Variants in LDB2 observed in about 807,000 individuals in gnomAD.
LDB2 encodes the protein LIM domain binding 2.
In LDB2, 12 loss-of-function variants were observed where a neutral mutation model predicts 44.3. The ratio of observed to expected loss-of-function variants is 0.27; its 90% confidence interval spans 0.17 to 0.44. LDB2 has a LOEUF of 0.44. Among genes scored for constraint, LDB2 ranks in the 20% least tolerant of loss-of-function variants. LDB2 has a pLI of 1.00. For missense variants in LDB2, 344 were observed against 473.5 expected, an observed-to-expected ratio of 0.73 and a Z score of 2.54; for synonymous variants, 164 against 174.8, an observed-to-expected ratio of 0.94 and a Z score of 0.49.
chr4:16,571,237 C>T (rs1031447336), intron 5 of LDB2, among the ~76,000 whole-genome samples: 3 of 152,148 alleles, frequency 2.0e-5, no homozygotes, highest in African/African-American at 7.2e-5. Flanking sequence ...AGTGACACAG[C>T]TTGATCTACA....
intron 5 of LDB2, among the ~76,000 whole-genome samples, chr4:16,580,154 A>G (rs540974926): frequency 6.6e-6 from 1 of 152,268 alleles, no homozygotes; most frequent in South Asian, 2.1e-4. Context: ...GAGCATGACC[A>G]ATTTGGATTA....
intron 2 of LDB2, among the ~76,000 whole-genome samples, chr4:16,735,463 G>T (rs534422525): frequency 3.9e-5 from 6 of 152,172 alleles, no homozygotes; most frequent in Non-Finnish European, 7.4e-5. Context: ...GCCCACTGTG[G>T]GAGATGGGGC....
At chr4:16,562,637 C>A (rs1276568745) in intron 5 of LDB2, among the ~76,000 whole-genome samples, 2 of 152,202 alleles carry the variant, frequency 1.3e-5, no homozygotes, top group African/African-American at 2.4e-5. Context: ...ACTAGTTCAA[C>A]CATTGTGGAA....
intron 2 of LDB2, among the ~76,000 whole-genome samples, chr4:16,735,580 A>C (rs371343020): frequency 1.3e-3 from 196 of 151,662 alleles, no homozygotes; most frequent in African/African-American, 4.4e-3. Flanking sequence ...AGAAAAAAAA[A>C]CAGCAATTTC....
At chr4:16,647,176 A>C (rs759129149) in intron 2 of LDB2, among the ~76,000 whole-genome samples, 4 of 152,222 alleles carry the variant, frequency 2.6e-5, no homozygotes, top group Non-Finnish European at 5.9e-5. Flanking sequence ...AAACCTGAAG[A>C]GATTAAGTTC....
chr4:16,508,411 TCC>T, intron 7 of LDB2, 122 bp downstream of exon 7: 1 of 787,950 alleles, frequency 1.3e-6, no homozygotes, highest in Non-Finnish European at 1.8e-6. Context: ...CTTTTATCCC[TCC>T]CCCACCTCCA....
rs185146291 is a variant in LDB2, at chr4:16,783,637, G to A, written c.133-24377C>T. On this transcript the variant is annotated intron_variant, in intron 1 of 7. Coordinates refer to ENST00000304523, the MANE Select transcript of LDB2 (RefSeq NM_001290.5). ...CAGCTGTACTGTGTCCTGCAGTTTG[G>A]TGGCAGGGATATGAGAAGTAGACTC... Among the ~76,000 whole-genome samples, 332 of 152,362 alleles carry A rather than the reference G, an allele frequency of 2.2e-3. 1 individual carries two copies. Among genetic ancestry groups the A allele is most frequent in the Non-Finnish European group, 3.4e-3 (232 of 68,038 alleles).
chr4:16,595,957 C>T, intron 2 of LDB2, 82 bp from the exon 3 acceptor site: 1 of 1,364,074 alleles, frequency 7.3e-7, no homozygotes, highest in Non-Finnish European at 1.0e-6. Flanking sequence ...GCCAAACCTC[C>T]TAAAACCGGA....
At chr4:16,665,828 C>T (rs753842896) in intron 2 of LDB2, among the ~76,000 whole-genome samples, 1 of 152,040 alleles carries the variant, frequency 6.6e-6, no homozygotes, top group Non-Finnish European at 1.5e-5. Context: ...GGGGCAGGCC[C>T]TAAATCTAAT....
In LDB2 at chr4:16,721,740, C is replaced by G. The variant is rs374725174; in HGVS notation, c.235+37418G>C. 7.2e-5 allele frequency among the ~76,000 whole-genome samples: 11 copies of G among 152,226 alleles called. No individual in the cohort carries two copies. In the East Asian group the frequency reaches 1.9e-3, roughly 27 times the overall value. On this transcript the variant is annotated intron_variant, in intron 2 of 7. Coordinates refer to ENST00000304523, the MANE Select transcript of LDB2 (RefSeq NM_001290.5). ...CACAGAGGAAGTCTCCTTGTCTCAT[C>G]TTGACACTAAAACTACCCAGTTACT...
intron 5 of LDB2, among the ~76,000 whole-genome samples, chr4:16,521,409 TTCTTA>T (rs1303210604): frequency 2.0e-5 from 3 of 152,084 alleles, no homozygotes; most frequent in East Asian, 1.9e-4. Flanking sequence ...TCCTCTCCTC[TTCTTA>T]TAAGGACACC....
chr4:16,862,472 A>G (rs190899051), intron 1 of LDB2, among the ~76,000 whole-genome samples: 8 of 151,978 alleles, frequency 5.3e-5, no homozygotes, highest in Non-Finnish European at 1.0e-4. Flanking sequence ...TGTCTCTACT[A>G]AAAATACAAT....
At chr4:16,527,060 CTTATTTA>C (rs1042215835) in intron 5 of LDB2, among the ~76,000 whole-genome samples, 5 of 152,074 alleles carry the variant, frequency 3.3e-5, no homozygotes, top group African/African-American at 1.2e-4. Flanking sequence ...TTATTAATAA[CTTATTTA>C]TTATTTATCT....
At chr4:16,521,880 T>C (rs1726239359) in intron 5 of LDB2, among the ~76,000 whole-genome samples, 1 of 152,198 alleles carries the variant, frequency 6.6e-6, no homozygotes, top group South Asian at 2.1e-4. Flanking sequence ...ATACATAGTT[T>C]ATAAGAAATT....
At chr4:16,800,922 G>A (rs1191142862) in intron 1 of LDB2, among the ~76,000 whole-genome samples, 1 of 152,144 alleles carries the variant, frequency 6.6e-6, no homozygotes, top group African/African-American at 2.4e-5. Flanking sequence ...TGATCCACCC[G>A]CCTCGGCCTC....
intron 5 of LDB2, among the ~76,000 whole-genome samples, chr4:16,542,107 G>C (rs1367949816): frequency 1.4e-5 from 2 of 144,806 alleles, no homozygotes; most frequent in East Asian, 3.6e-4. Context: ...GTGGTGGGGG[G>C]GGGGGCGCGA....
chr4:16,616,215 G>A (rs10939678), intron 2 of LDB2, among the ~76,000 whole-genome samples: 151,471 of 152,316 alleles, frequency 0.99, 75,322 homozygotes, highest in Middle Eastern at 1. Flanking sequence ...CGTAGTAGGC[G>A]TTTCATAAAT....
intron 2 of LDB2, among the ~76,000 whole-genome samples, chr4:16,751,670 A>C (rs776842578): frequency 2.0e-5 from 3 of 152,240 alleles, no homozygotes; most frequent in Non-Finnish European, 4.4e-5. Context: ...AGTTTTAAAT[A>C]AAATCAAATC....
intron 5 of LDB2, among the ~76,000 whole-genome samples, chr4:16,551,675 G>A (rs930006043): frequency 4.0e-5 from 6 of 151,834 alleles, no homozygotes; most frequent in Non-Finnish European, 5.9e-5. Context: ...CTGCCACCAC[G>A]CCCAAATAAT....
Sources: gnomAD v4.1 joint callset for allele counts (sites outside exome capture counted in the v4.1 genomes callset) on GRCh38, gnomAD v4.1.1 for gene constraint, MANE v1.5 for transcripts, NCBI Gene and HGNC (gene_info 2026-07-23, HGNC 2026-07-21) for gene names.